The following STK31 variants were observed in gnomAD, a reference collection of about 807,000 sequenced individuals.
The protein encoded by STK31 is serine/threonine kinase 31.
A neutral mutation model predicts 129.7 loss-of-function variants in STK31; 89 were observed. The observed-to-expected ratio is 0.69, with a 90% CI of 0.58 to 0.82. STK31 has a LOEUF of 0.82. STK31 is among the 40% of genes least tolerant of loss of function. The pLI is 0.00. For synonymous variants in STK31, 448 were observed against 395.3 expected, an observed-to-expected ratio of 1.13 and a Z score of -1.58; for missense variants, 1,187 against 1,176.4, an observed-to-expected ratio of 1.01 and a Z score of -0.13.
Position 23,746,005 on chromosome 7 carries a change from C to T in STK31, c.1018-6712C>T, listed in dbSNP as rs931254050. 5.3e-5 allele frequency among the ~76,000 whole-genome samples: 8 copies of T among 152,210 alleles called. No individual in the cohort carries two copies. The East Asian group carries it at 5.8e-4, about 11-fold the overall frequency. On this transcript the variant is annotated intron_variant, in intron 8 of 23. Coordinates refer to ENST00000355870, the MANE Select transcript of STK31 (RefSeq NM_031414.5). ...TTGCTGCCAGTGGCTCCTACCTCTT[C>T]GCGGGTACTTGCAGCCAGCTGCAGT...
At chr7:23,710,117 C>A (rs1356746581), upstream of STK31, 1 of 1,208,888 alleles carries the variant, frequency 8.3e-7, no homozygotes, top group Non-Finnish European at 1.2e-6. Flanking sequence ...AGGCGGCTCC[C>A]GCACGCTTCT....
intron 4 of STK31, chr7:23,721,195 C>T: frequency 3.2e-6 from 1 of 314,914 alleles, no homozygotes; most frequent in Non-Finnish European, 5.8e-6. Context: ...TTGCTTTTTT[C>T]CACTATAATT....
intron 11 of STK31, among the ~76,000 whole-genome samples, chr7:23,763,435 G>C (rs1237722110): frequency 2.0e-5 from 3 of 152,170 alleles, no homozygotes; most frequent in Non-Finnish European, 1.5e-5. Flanking sequence ...AATTCGGGGT[G>C]AATGAACATG....
rs1788339660 is a variant in STK31 at position 23,746,168 on chromosome 7, G to A, written c.1018-6549G>A. ...CATGCTGTAGTTGCTTAGGATTGGG[G>A]GGTGGGTGTATGGGACCCAACATGA... On this transcript the variant is annotated intron_variant, in intron 8 of 23. Transcript: ENST00000355870. Among the ~76,000 whole-genome samples, 3 of 152,150 alleles carry A rather than the reference G, an allele frequency of 2.0e-5. No homozygotes were observed. The South Asian group carries it at 6.2e-4, about 31-fold the overall frequency.
chr7:23,817,194 A>C, intron 23 of STK31, among the ~76,000 whole-genome samples: 1 of 152,018 alleles, frequency 6.6e-6, no homozygotes, highest in African/African-American at 2.4e-5. Flanking sequence ...TCTCAAAAAA[A>C]AAAAAATAAT....
chr7:23,719,292 T>C (rs1462139782), intron 4 of STK31, among the ~76,000 whole-genome samples: 1 of 152,126 alleles, frequency 6.6e-6, no homozygotes, highest in Non-Finnish European at 1.5e-5. Context: ...CTGTACACTT[T>C]GCCAAGGCCA....
intron 15 of STK31, among the ~76,000 whole-genome samples, chr7:23,779,861 G>A (rs1790803617): frequency 6.6e-6 from 1 of 152,158 alleles, no homozygotes; most frequent in South Asian, 2.1e-4. Context: ...TGTCTTGCTG[G>A]CATTCCAGGT....
intron 1 of STK31, among the ~76,000 whole-genome samples, chr7:23,711,139 A>C (rs561240363): frequency 6.6e-6 from 1 of 152,278 alleles, no homozygotes; most frequent in Non-Finnish European, 1.5e-5. Flanking sequence ...GTGTTCCTAG[A>C]CAACTTTTAA....
intron 21 of STK31, among the ~76,000 whole-genome samples, chr7:23,789,573 A>G (rs903768101): frequency 6.6e-6 from 1 of 152,122 alleles, no homozygotes; most frequent in Non-Finnish European, 1.5e-5. Context: ...CAAAAAGATG[A>G]GAAAATGAAA....
intron 8 of STK31, among the ~76,000 whole-genome samples, chr7:23,751,875 A>G (rs1223459095): frequency 6.7e-6 from 1 of 150,060 alleles, no homozygotes; most frequent in African/African-American, 2.5e-5. Flanking sequence ...ACATTAATAC[A>G]GGCATATTTG....
At chr7:23,758,465 C>CT (rs1346146330) in intron 10 of STK31, among the ~76,000 whole-genome samples, 3 of 149,022 alleles carry the variant, frequency 2.0e-5, no homozygotes, top group Admixed American at 1.3e-4. Context: ...GTGTGTGTCT[C>CT]TGTCTCCTTC....
intron 8 of STK31, among the ~76,000 whole-genome samples, chr7:23,742,757 T>C (rs1230259560): frequency 6.6e-6 from 1 of 152,132 alleles, no homozygotes; most frequent in Non-Finnish European, 1.5e-5. Flanking sequence ...TCATTCTTAG[T>C]CTGTTCAAAA....
Position 23,790,168 on chromosome 7 carries a change from G to GAC in STK31, c.2638-652_2638-651dup, listed in dbSNP as rs1791532810. Among the ~76,000 whole-genome samples, 5 of 152,218 alleles carry GAC rather than the reference G, an allele frequency of 3.3e-5. 1 individual carries two copies. The South Asian group carries it at 1.0e-3, about 32-fold the overall frequency. On this transcript the variant is annotated intron_variant, in intron 21 of 23. Transcript: ENST00000355870. Reference sequence around the variant, plus strand: ...AGCTAGAAAAAAGATAGCACTTAGTGACACATGCTAGGCATTGTATCTCTG... The same window carrying GAC: ...AGCTAGAAAAAAGATAGCACTTAGTGACACACATGCTAGGCATTGTATCTCTG...
intron 4 of STK31, among the ~76,000 whole-genome samples, chr7:23,726,976 C>T (rs746676830): frequency 6.6e-6 from 1 of 151,746 alleles, no homozygotes; most frequent in Non-Finnish European, 1.5e-5. Flanking sequence ...TTTTTATACC[C>T]CTCCCTCCTC....
At chr7:23,817,977 A>G (rs78603705) in intron 23 of STK31, among the ~76,000 whole-genome samples, 3,580 of 151,416 alleles carry the variant, frequency 0.024, 134 homozygotes, top group African/African-American at 0.081. Flanking sequence ...CTTACTTTCT[A>G]ATCTTTATTA....
intron 8 of STK31, among the ~76,000 whole-genome samples, chr7:23,746,860 A>G (rs1004956984): frequency 6.6e-6 from 1 of 151,830 alleles, no homozygotes; most frequent in Non-Finnish European, 1.5e-5. Context: ...AAATTATTTA[A>G]CTTACTAACT....
chr7:23,801,911 A>G, intron 22 of STK31, among the ~76,000 whole-genome samples: 1 of 152,184 alleles, frequency 6.6e-6, no homozygotes, highest in South Asian at 2.1e-4. Flanking sequence ...CCGTTTACCA[A>G]CATCATACTG....
At chr7:23,757,789 C>A (rs1369902034) in intron 10 of STK31, among the ~76,000 whole-genome samples, 1 of 152,140 alleles carries the variant, frequency 6.6e-6, no homozygotes, top group Non-Finnish European at 1.5e-5. Flanking sequence ...ACGGTCAGGT[C>A]TTTCCCTTCC....
chr7:23,757,026 C>T (rs748096691), intron 10 of STK31, among the ~76,000 whole-genome samples: 1 of 152,066 alleles, frequency 6.6e-6, no homozygotes, highest in Admixed American at 6.6e-5. Flanking sequence ...GGGAGGAGTC[C>T]GTCCTTTTCA....
Sources: allele counts gnomAD v4.1 joint callset (sites outside exome capture counted in the v4.1 genomes callset), GRCh38; gene constraint gnomAD v4.1.1; transcripts MANE v1.5; gene names NCBI Gene and HGNC (gene_info 2026-07-23, HGNC 2026-07-21).